HNRNPH1: variants seen among roughly 807,000 people sequenced by gnomAD.
The protein encoded by HNRNPH1 is heterogeneous nuclear ribonucleoprotein H1, also known as heterogeneous nuclear ribonucleoprotein H.
HNRNPH1 carries 4 observed loss-of-function variants against 58.6 expected under a neutral mutation model. That is an observed-to-expected ratio of 0.07 (90% confidence interval 0.03 to 0.16). The LOEUF is 0.16. Ranked by LOEUF, HNRNPH1 falls within the 10% of genes least tolerant of loss-of-function variation. The pLI, the probability that HNRNPH1 is intolerant of heterozygous loss-of-function variation, is 1.00. For synonymous variants in HNRNPH1, 192 were observed against 189.2 expected, an observed-to-expected ratio of 1.01 and a Z score of -0.12; for missense variants, 271 against 564.2, an observed-to-expected ratio of 0.48 and a Z score of 5.26.
At chr5:179,630,329 A>G (rs1774725458) in intron 2 of HNRNPH1, among the ~76,000 whole-genome samples, 1 of 152,142 alleles carries the variant, frequency 6.6e-6, no homozygotes, top group Middle Eastern at 3.2e-3. Context: ...AGCCTGGGCA[A>G]CAACAGTGAA....
chr5:179,619,020 T>G (rs917400651), intron 4 of HNRNPH1: 1 of 293,874 alleles, frequency 3.4e-6, no homozygotes, highest in Non-Finnish European at 6.3e-6. Context: ...AGCCATAGTC[T>G]CTCAACTCTA....
At chr5:179,631,107 T>C (rs924581252) in intron 2 of HNRNPH1, among the ~76,000 whole-genome samples, 5 of 151,814 alleles carry the variant, frequency 3.3e-5, no homozygotes, top group Non-Finnish European at 7.4e-5. Flanking sequence ...CTGGTATGAA[T>C]GCATGGGGGT....
At chr5:179,621,561 AAAC>A (rs1304107109) in intron 1 of HNRNPH1, 164 bp from the exon 3 acceptor site, 1 of 604,272 alleles carries the variant, frequency 1.7e-6, no homozygotes, top group Non-Finnish European at 2.9e-6. Context: ...AATTAAAAAA[AAAC>A]AAACTCATTC....
chr5:179,619,436 A>G, intron 3 of HNRNPH1, 29 bp from the exon 5 acceptor site: 1 of 1,588,726 alleles, frequency 6.3e-7, no homozygotes, highest in Non-Finnish European at 8.6e-7. Flanking sequence ...TAACCCCAGT[A>G]GGGGGGCAAT....
Position 179,631,763 on chromosome 5 carries a change from T to A in HNRNPH1, c.-32+2302A>T, listed in dbSNP as rs569407604. 5.3e-5 allele frequency among the ~76,000 whole-genome samples: 8 copies of A among 151,402 alleles called. No homozygotes were observed. In the East Asian group the frequency reaches 5.9e-4, roughly 11 times the overall value. ...ACCTCAAAAAAAAAAATTTTTTTTT[T>A]AAATATTAGCCAGGCCTGGTGGCAC... is the stretch of plus-strand genomic sequence containing the variant. On this transcript the variant is annotated intron_variant, in intron 2 of 4. Transcript: ENST00000521116.
intron 2 of HNRNPH1, among the ~76,000 whole-genome samples, chr5:179,630,630 G>A (rs904432229): frequency 6.6e-6 from 1 of 151,614 alleles, no homozygotes; most frequent in Non-Finnish European, 1.5e-5. Flanking sequence ...CATACATTTC[G>A]GCCTGACGCG....
Position 179,614,960 on chromosome 5 carries a change from C to G in HNRNPH1, c.*1-1G>C. On this transcript the variant is annotated splice_acceptor_variant, in intron 12 of 12. Coordinates refer to ENST00000356731, the Ensembl canonical transcript of HNRNPH1. LOFTEE classifies it low-confidence loss of function (3UTR_SPLICE). ...CTGCTGTTCACTGCTCCTTGGTTAC[C>G]TGCAAAGAGATCAATTTGACAAGTT... 6.6e-7 allele frequency: 1 copy of G among 1,506,158 alleles called. No individual in the cohort carries two copies. Among genetic ancestry groups the G allele is most frequent in the Non-Finnish European group, 9.0e-7 (1 of 1,106,500 alleles). The allele number at this position is 1,506,158 out of a possible 1,614,324, so 93.3% of individuals were successfully genotyped here.
exon 1 of HNRNPH1, chr5:179,634,481 C>G (rs1415457925): frequency 2.7e-5 from 2 of 74,438 alleles, no homozygotes; most frequent in East Asian, 9.2e-4. Context: ...ACTGCTTCCC[C>G]GCGCCAGGGC....
chr5:179,630,112 G>T (rs970644334), intron 2 of HNRNPH1, among the ~76,000 whole-genome samples: 2 of 152,124 alleles, frequency 1.3e-5, no homozygotes, highest in Non-Finnish European at 2.9e-5. Flanking sequence ...ACTTTGGGAG[G>T]CCAAGGTGGG....
At chr5:179,616,249 T>TC in intron 10 of HNRNPH1, 31 bp from the exon 12 acceptor site, 2 of 1,557,558 alleles carry the variant, frequency 1.3e-6, no homozygotes, top group Non-Finnish European at 1.8e-6. Flanking sequence ...TAGAACCTTT[T>TC]TTCTTATGTG....
upstream of HNRNPH1, among the ~76,000 whole-genome samples, chr5:179,626,927 C>T (rs1250402258): frequency 6.6e-6 from 1 of 151,738 alleles, no homozygotes; most frequent in Non-Finnish European, 1.5e-5. Context: ...ACGACAGGCG[C>T]CCGCCACCAC....
At chr5:179,633,952 T>TAAA (rs1163365011) in intron 2 of HNRNPH1, 43 of 152,130 alleles carry the variant, frequency 2.8e-4, no homozygotes, top group African/African-American at 9.2e-4. Flanking sequence ...TAAAATAAAA[T>TAAA]AACAAAGTAA....
At chr5:179,624,187 G>C (rs1335655126) in exon 1 of HNRNPH1, 2 of 257,376 alleles carry the variant, frequency 7.8e-6, no homozygotes, top group Non-Finnish European at 1.5e-5. Flanking sequence ...TCCCCAAACC[G>C]GCCGAAGCTG....
chr5:179,627,042 A>C (rs1380191478), upstream of HNRNPH1, among the ~76,000 whole-genome samples: 1 of 151,962 alleles, frequency 6.6e-6, no homozygotes, highest in Non-Finnish European at 1.5e-5. Flanking sequence ...CGGGCTCCCA[A>C]AGTGCTGGGA....
rs530411214 is a variant in HNRNPH1 at position 179,617,237 on chromosome 5, C to A, written c.1058-127G>T. ...TACTTTGGCAAAGAAATTCTAGCTA[C>A]TTCTCTTAGGTGATCTACTTTAACT... On this transcript the variant is annotated intron_variant, in intron 8 of 12. Transcript: ENST00000356731. The A allele has an allele frequency of 5.3e-6, 5 of 940,698 alleles. No homozygotes were observed. In the African/African-American group the frequency reaches 6.7e-5, roughly 13 times the overall value. 58.3% of individuals were successfully genotyped at this position (940,698 alleles called of 1,614,324 possible).
intron 10 of HNRNPH1, chr5:179,616,624 T>G: frequency 1.8e-6 from 1 of 543,408 alleles, no homozygotes; most frequent in South Asian, 2.5e-5. Flanking sequence ...ACTTAGAAAA[T>G]TTAAGTAGTT....
intron 12 of HNRNPH1, chr5:179,615,198 C>T: frequency 2.3e-6 from 1 of 441,054 alleles, no homozygotes; most frequent in South Asian, 4.8e-5. Context: ...TCTTCAGGAT[C>T]AACATGAAAA....
intron 10 of HNRNPH1, 132 bp from the exon 12 acceptor site, chr5:179,616,350 G>T (rs1371115647): frequency 2.7e-5 from 20 of 747,228 alleles, no homozygotes; most frequent in Non-Finnish European, 1.2e-5. Flanking sequence ...GCCTCCTTCT[G>T]CCTACTGTCT....
exon 3 of HNRNPH1, chr5:179,620,932 G>A: frequency 6.2e-7 from 1 of 1,614,070 alleles, no homozygotes; most frequent in Non-Finnish European, 8.5e-7. Flanking sequence ...TACATCCAAA[G>A]GGAAGTCCTC....
Sources: gnomAD v4.1 joint callset for allele counts (sites outside exome capture counted in the v4.1 genomes callset) on GRCh38, gnomAD v4.1.1 for gene constraint, MANE v1.5 for transcripts, NCBI Gene and HGNC (gene_info 2026-07-23, HGNC 2026-07-21) for gene names.